The following GIPC2 variants were observed in gnomAD, a reference collection of about 807,000 sequenced individuals.
The protein encoded by GIPC2 is GIPC PDZ domain containing family member 2.
GIPC2 carries 30 observed loss-of-function variants against 30.6 expected under a neutral mutation model. The ratio of observed to expected loss-of-function variants is 0.98; its 90% CI spans 0.73 to 1.33. GIPC2 has a LOEUF of 1.33. GIPC2 is among the 40% of genes most tolerant of loss of function. GIPC2 has a pLI of 0.00. For missense variants in GIPC2, 414 were observed against 390.3 expected (o/e 1.06, Z -0.51); for synonymous variants, 167 against 150.0 (o/e 1.11, Z -0.83).
intron 2 of GIPC2, among the ~76,000 whole-genome samples, chr1:78,090,163 T>C (rs993917985): frequency 1.3e-5 from 2 of 152,176 alleles, no homozygotes; most frequent in African/African-American, 4.8e-5. Context: ...TTTAAGAGAA[T>C]AGACTTGTAC....
At chr1:78,081,884 T>C (rs1195011114) in intron 2 of GIPC2, among the ~76,000 whole-genome samples, 1 of 152,188 alleles carries the variant, frequency 6.6e-6, no homozygotes, top group Non-Finnish European at 1.5e-5. Flanking sequence ...ACATTTTTAA[T>C]GTACAGCTTA....
intron 2 of GIPC2, chr1:78,092,687 A>G (rs966585302): frequency 2.0e-5 from 3 of 152,352 alleles, no homozygotes; most frequent in Non-Finnish European, 4.4e-5. Context: ...CCATGTCTCC[A>G]ACTTTGCTTC....
rs1364970577 is a variant in GIPC2 at position 78,138,016 on chromosome 1, A to C, written c.*2273A>C. The C allele has an allele frequency of 6.7e-6, 1 of 149,630 alleles. No individual in the cohort carries two copies. Among genetic ancestry groups the C allele is most frequent in the Non-Finnish European group, 1.5e-5 (1 of 67,430 alleles). The allele number at this position is 149,630 out of a possible 1,614,324, so 9.3% of individuals were successfully genotyped here. On this transcript the variant is annotated 3_prime_UTR_variant, in exon 6 of 6. Transcript: ENST00000370759. ...TTTTCTGTAGGCTTTTTTTTTTTAA[A>C]TGGAAGATGATTATTTTGTTTGTTC...
intron 1 of GIPC2, among the ~76,000 whole-genome samples, chr1:78,073,937 A>C (rs1250759535): frequency 1.3e-5 from 2 of 152,248 alleles, no homozygotes; most frequent in African/African-American, 4.8e-5. Context: ...AATCATAACC[A>C]TGTGGTAAGA....
chr1:78,045,879 T>C, upstream of GIPC2: 1 of 1,323,430 alleles, frequency 7.6e-7, no homozygotes. Context: ...ACTTTCTTTC[T>C]CTCCAGATCC....
upstream of GIPC2, chr1:78,045,443 A>G (rs1440572207): frequency 2.4e-6 from 1 of 411,958 alleles, no homozygotes; most frequent in Non-Finnish European, 3.3e-6. Flanking sequence ...GCTGGGGCAA[A>G]TGGCTTTGGA....
chr1:78,050,309 G>T (rs1661172514), intron 1 of GIPC2, among the ~76,000 whole-genome samples: 1 of 151,964 alleles, frequency 6.6e-6, no homozygotes. Context: ...TTCAATAAAA[G>T]CCTCAGACTT....
chr1:78,112,511 C>T (rs1662487808), intron 3 of GIPC2: 1 of 518,852 alleles, frequency 1.9e-6, no homozygotes. Flanking sequence ...CTGCCCAGGC[C>T]CCATAGGTGC....
At chr1:78,057,894 T>C (rs1661325060) in intron 1 of GIPC2, among the ~76,000 whole-genome samples, 1 of 152,236 alleles carries the variant, frequency 6.6e-6, no homozygotes, top group Non-Finnish European at 1.5e-5. Context: ...CTGAATGCAA[T>C]AGACATTGTT....
chr1:78,091,632 G>A (rs1662041829), intron 2 of GIPC2: 1 of 770,580 alleles, frequency 1.3e-6, no homozygotes. Flanking sequence ...ATCCCCATCT[G>A]GTTATACTGG....
chr1:78,049,222 C>T (rs752644833), intron 1 of GIPC2, among the ~76,000 whole-genome samples: 1 of 152,122 alleles, frequency 6.6e-6, no homozygotes, highest in Non-Finnish European at 1.5e-5. Context: ...AGTGCAGTGG[C>T]ACGATCTTGG....
intron 2 of GIPC2, among the ~76,000 whole-genome samples, chr1:78,087,599 CA>C (rs1661954622): frequency 6.6e-6 from 1 of 152,140 alleles, no homozygotes; most frequent in Non-Finnish European, 1.5e-5. Context: ...CTCCTTACAC[CA>C]TATACAATAA....
In GIPC2 at chr1:78,137,683, A is replaced by G. The variant is rs568597618; in HGVS notation, c.*1940A>G. On this transcript the variant is annotated 3_prime_UTR_variant, in exon 6 of 6. Transcript: ENST00000370759. ...CATTACCTGGGCTTCAACTGGGCCCAAGTACTCTATATACTGCCTGTAATA... is the reference window on the plus strand; with the variant it reads ...CATTACCTGGGCTTCAACTGGGCCCGAGTACTCTATATACTGCCTGTAATA... 6.6e-6 allele frequency: 1 copy of G among 152,308 alleles called. No homozygotes were observed. Among genetic ancestry groups the G allele is most frequent in the East Asian group, 1.9e-4 (1 of 5,180 alleles). 9.4% of individuals were successfully genotyped at this position (152,308 alleles called of 1,614,324 possible).
chr1:78,104,037 C>G (rs1486174303), intron 3 of GIPC2, among the ~76,000 whole-genome samples: 2 of 152,112 alleles, frequency 1.3e-5, no homozygotes, highest in African/African-American at 4.8e-5. Flanking sequence ...CTGACTTGGA[C>G]GTAGAGCTTC....
intron 1 of GIPC2, among the ~76,000 whole-genome samples, chr1:78,059,517 C>T (rs771259722): frequency 3.3e-5 from 5 of 152,132 alleles, no homozygotes; most frequent in African/African-American, 4.8e-5. Context: ...CCAAGGTCAG[C>T]GGATCACTTG....
intron 3 of GIPC2, among the ~76,000 whole-genome samples, chr1:78,117,933 T>G (rs1662599971): frequency 6.6e-6 from 1 of 151,880 alleles, no homozygotes; most frequent in Non-Finnish European, 1.5e-5. Context: ...TCCTTCTTTC[T>G]CTCTCTCTCT....
Position 78,095,094 on chromosome 1 carries a change from T to G in GIPC2, c.569T>G (p.Leu190Arg), listed in dbSNP as rs772206098. 6.2e-7 allele frequency: 1 copy of G among 1,612,966 alleles called. No homozygotes were observed. Among genetic ancestry groups the G allele is most frequent in the South Asian group, 1.1e-5 (1 of 91,034 alleles). ...TTAAAGGAATTAAAAAAGGAGGAAC[T>G]CTTTACTATGAAGTTAATAGAACCT... is the stretch of plus-strand genomic sequence containing the variant. The part of the protein sequence containing the change: ...KKLKELKKEE[L>R]FTMKLIEPKK... The change falls in exon 3 of 6, where the codon CTC (leucine) becomes CGC (arginine). Residue 190 changes from leucine (L) to arginine (R), a missense_variant. Leu to Arg is a moderately radical substitution (Grantham distance 102, BLOSUM62 -2). Transcript: ENST00000370759.
At chr1:78,099,919 G>A (rs538732675) in intron 3 of GIPC2, among the ~76,000 whole-genome samples, 1 of 152,270 alleles carries the variant, frequency 6.6e-6, no homozygotes, top group South Asian at 2.1e-4. Context: ...TTGGTTAGAG[G>A]TTATAGGTGG....
intron 1 of GIPC2, among the ~76,000 whole-genome samples, chr1:78,059,384 C>T: frequency 6.6e-6 from 1 of 152,146 alleles, no homozygotes; most frequent in Non-Finnish European, 1.5e-5. Context: ...ATGACTATGA[C>T]AGTGTTTTGC....
Sources: gnomAD v4.1 joint callset for allele counts (sites outside exome capture counted in the v4.1 genomes callset) on GRCh38, gnomAD v4.1.1 for gene constraint, MANE v1.5 for transcripts, NCBI Gene and HGNC (gene_info 2026-07-23, HGNC 2026-07-21) for gene names.